The following ARHGEF9 variants were observed in gnomAD, a reference collection of about 807,000 sequenced individuals.
The protein encoded by ARHGEF9 is rho guanine nucleotide exchange factor 9.
ARHGEF9 carries 2 observed loss-of-function variants against 41.3 expected under a neutral mutation model. The observed-to-expected ratio is 0.05, with a 90% CI of 0.02 to 0.15. The LOEUF (loss-of-function observed/expected upper bound fraction) is 0.15. Ranked by LOEUF, ARHGEF9 falls within the 10% of genes least tolerant of loss-of-function variation. ARHGEF9 has a pLI of 1.00. For synonymous variants in ARHGEF9, 160 were observed against 154.4 expected (o/e 1.04, Z -0.27); for missense variants, 225 against 424.7 (o/e 0.53, Z 4.13).
At chrX:63,765,719 C>T (rs2056102750) in intron 1 of ARHGEF9, among the ~76,000 whole-genome samples, 1 of 112,001 alleles carries the variant, frequency 8.9e-6, no homozygotes, top group Non-Finnish European at 1.9e-5. Context: ...GTTTTAGAAT[C>T]TGTACAGTTC....
chrX:63,754,335 T>C (rs2055840683), intron 1 of ARHGEF9: 2 of 1,208,356 alleles, frequency 1.7e-6, no homozygotes, highest in Admixed American at 2.2e-5. Flanking sequence ...GAGGCCATGT[T>C]GAAGCTCAAA....
At chrX:63,736,839 C>CA (rs2054640075) in intron 1 of ARHGEF9, among the ~76,000 whole-genome samples, 1 of 110,807 alleles carries the variant, frequency 9.0e-6, no homozygotes, top group Non-Finnish European at 1.9e-5. Context: ...ATTTATTTTA[C>CA]AAAAAACAAA....
chrX:63,660,083 C>A (rs1369631180), intron 7 of ARHGEF9, among the ~76,000 whole-genome samples: 1 of 112,107 alleles, frequency 8.9e-6, no homozygotes, highest in Non-Finnish European at 1.9e-5. Flanking sequence ...CACAAAGACA[C>A]ATGCACGCGT....
intron 1 of ARHGEF9, among the ~76,000 whole-genome samples, chrX:63,772,063 C>G (rs2056214582): frequency 8.9e-6 from 1 of 111,870 alleles, no homozygotes; most frequent in South Asian, 3.8e-4. Context: ...TATGTATGTA[C>G]ATATCTTATT....
intron 1 of ARHGEF9, among the ~76,000 whole-genome samples, chrX:63,773,802 T>G (rs1239900139): frequency 9.0e-6 from 1 of 110,974 alleles, no homozygotes; most frequent in African/African-American, 3.3e-5. Flanking sequence ...GAATTCCTCC[T>G]GCCTGACTGC....
intron 8 of ARHGEF9, 74 bp downstream of exon 8, chrX:63,655,420 A>G (rs1167003394): frequency 6.7e-6 from 8 of 1,196,130 alleles, no homozygotes; most frequent in Non-Finnish European, 7.9e-6. Context: ...TCTGACTCCA[A>G]GAAAATGGAA....
chrX:63,740,946 C>A (rs1258841930), intron 1 of ARHGEF9, among the ~76,000 whole-genome samples: 27 of 112,133 alleles, frequency 2.4e-4, no homozygotes, highest in African/African-American at 8.8e-4. Flanking sequence ...GGTCTCAGAC[C>A]ACCACTAACC....
intron 6 of ARHGEF9, among the ~76,000 whole-genome samples, chrX:63,670,588 G>T (rs1360563169): frequency 2.7e-5 from 3 of 111,210 alleles, no homozygotes; most frequent in African/African-American, 9.8e-5. Flanking sequence ...CCTTTCCCTT[G>T]TTTTCAAGTG....
intron 1 of ARHGEF9, among the ~76,000 whole-genome samples, chrX:63,782,123 A>G (rs1432777822): frequency 7.2e-5 from 8 of 111,553 alleles, no homozygotes; most frequent in African/African-American, 6.5e-5. Context: ...GTTATGGTTT[A>G]ATGAACTTCA....
intron 6 of ARHGEF9, among the ~76,000 whole-genome samples, chrX:63,667,510 C>T (rs1440200271): frequency 5.4e-5 from 6 of 111,142 alleles, no homozygotes; most frequent in African/African-American, 1.3e-4. Flanking sequence ...CCAAAAGCTT[C>T]AAGGCAAGGT....
intron 2 of ARHGEF9, chrX:63,719,647 T>C (rs1407068398): frequency 2.7e-5 from 8 of 297,239 alleles, no homozygotes; most frequent in Non-Finnish European, 4.7e-5. Context: ...TAAGAGAGCA[T>C]TGAAGCACTT....
chrX:63,674,845 G>A (rs1476670251), intron 5 of ARHGEF9, among the ~76,000 whole-genome samples: 7 of 111,577 alleles, frequency 6.3e-5, no homozygotes, highest in Non-Finnish European at 1.3e-4. Context: ...CTGGCTGCTT[G>A]TAGTTAGAAA....
rs1367566161 is a variant in ARHGEF9 at position 63,637,720 on chromosome X, G to C, written c.*308C>G. ...CAACTTCTGAAAGCAAAGGGAAGGG[G>C]GACAGGGTAAAAATGGAAAACTTTT... On this transcript the variant is annotated 3_prime_UTR_variant, in exon 10 of 10. Transcript: ENST00000671741. The C allele has an allele frequency of 2.2e-5, 5 of 229,869 alleles. No individual in the cohort carries two copies. The highest frequency in any genetic ancestry group is 1.2e-4 in the African/African-American group (4 of 34,771). 18.9% of individuals were successfully genotyped at this position (229,869 alleles called of 1,213,427 possible).
intron 1 of ARHGEF9, among the ~76,000 whole-genome samples, chrX:63,768,689 G>T (rs782615678): frequency 5.4e-5 from 6 of 111,647 alleles, no homozygotes; most frequent in South Asian, 7.6e-4. Flanking sequence ...TAAATCATGG[G>T]GCAGTCTCCC....
intron 1 of ARHGEF9, among the ~76,000 whole-genome samples, chrX:63,772,064 A>G (rs782709332): frequency 8.9e-6 from 1 of 112,019 alleles, no homozygotes; most frequent in African/African-American, 3.2e-5. Context: ...ATGTATGTAC[A>G]TATCTTATTG....
At chrX:63,722,552 G>T (rs1556414388) in intron 2 of ARHGEF9, among the ~76,000 whole-genome samples, 1 of 110,232 alleles carries the variant, frequency 9.1e-6, no homozygotes, top group African/African-American at 3.3e-5. Context: ...ATTAATGGCT[G>T]CCCACTGATA....
In ARHGEF9 at chrX:63,697,354, G is replaced by A. The variant is rs782201900; in HGVS notation, c.403-50C>T. 5 of 1,124,199 alleles carry A rather than the reference G, an allele frequency of 4.4e-6. No homozygotes were observed. In the African/African-American group the frequency reaches 9.0e-5, roughly 20 times the overall value. The allele number at this position is 1,124,199 out of a possible 1,213,427, so 92.6% of individuals were successfully genotyped here. On this transcript the variant is annotated intron_variant, in intron 3 of 9. Coordinates refer to ENST00000671741, the MANE Select transcript of ARHGEF9 (RefSeq NM_001353921.2). ...CTGAGGAAGTCCCTGACTTCCAGAAGGCTTTACACTTCCTAAGCACTTAAG... is the reference window on the plus strand; with the variant it reads ...CTGAGGAAGTCCCTGACTTCCAGAAAGCTTTACACTTCCTAAGCACTTAAG...
chrX:63,723,254 T>C (rs1255192591), intron 2 of ARHGEF9, among the ~76,000 whole-genome samples: 1 of 111,750 alleles, frequency 8.9e-6, no homozygotes, highest in Non-Finnish European at 1.9e-5. Context: ...GTTATCCCTA[T>C]TTTTCAGATG....
At chrX:63,668,916 C>T (rs1183434615) in intron 6 of ARHGEF9, among the ~76,000 whole-genome samples, 1 of 112,122 alleles carries the variant, frequency 8.9e-6, no homozygotes, top group Non-Finnish European at 1.9e-5. Flanking sequence ...CCAATCTCCT[C>T]CTACTGTCAC....
Sources: allele counts gnomAD v4.1 joint callset (sites outside exome capture counted in the v4.1 genomes callset), GRCh38; gene constraint gnomAD v4.1.1; transcripts MANE v1.5; gene names NCBI Gene and HGNC (gene_info 2026-07-23, HGNC 2026-07-21).